Variants in GABRG3 observed in about 807,000 individuals in gnomAD.
GABRG3 encodes the protein gamma-aminobutyric acid type A receptor subunit gamma3, also known as gamma-aminobutyric acid receptor subunit gamma-3.
A neutral mutation model predicts 48.8 loss-of-function variants in GABRG3; 25 were observed. That is an observed-to-expected ratio of 0.51 (90% CI 0.37 to 0.72). The LOEUF (loss-of-function observed/expected upper bound fraction) is 0.72, where lower values mean the gene tolerates loss of function less well. GABRG3 is among the 30% of genes least tolerant of loss of function. The pLI is 0.00. For missense variants in GABRG3, 394 were observed against 577.9 expected (o/e 0.68, Z 3.26); for synonymous variants, 227 against 217.6 (o/e 1.04, Z -0.38).
intron 3 of GABRG3, among the ~76,000 whole-genome samples, chr15:27,209,771 A>C (rs1397386680): frequency 1.3e-5 from 2 of 152,248 alleles, no homozygotes; most frequent in African/African-American, 2.4e-5. Flanking sequence ...CTCAAACAGC[A>C]CACATCTCCT....
intron 3 of GABRG3, among the ~76,000 whole-genome samples, chr15:27,304,334 A>G (rs750151552): frequency 4.6e-5 from 7 of 152,058 alleles, no homozygotes; most frequent in Admixed American, 2.0e-4. Context: ...AAGTCTCCCA[A>G]AACTAATAAA....
chr15:27,332,061 T>G (rs914458722), intron 5 of GABRG3, among the ~76,000 whole-genome samples: 3 of 152,262 alleles, frequency 2.0e-5, no homozygotes, highest in Non-Finnish European at 4.4e-5. Flanking sequence ...GGATTCACTA[T>G]TCATAAATGA....
At chr15:27,359,744 G>A (rs79693478) in intron 5 of GABRG3, among the ~76,000 whole-genome samples, 1,703 of 152,240 alleles carry the variant, frequency 0.011, 34 homozygotes, top group African/African-American at 0.039. Flanking sequence ...GTTTTTGAAC[G>A]TTACATAGAT....
chr15:27,150,081 ACTC>A (rs1898282558), intron 3 of GABRG3, among the ~76,000 whole-genome samples: 1 of 151,722 alleles, frequency 6.6e-6, no homozygotes, highest in Non-Finnish European at 1.5e-5. Context: ...ACTACCCCTT[ACTC>A]CTCCTTCCTG....
intron 5 of GABRG3, among the ~76,000 whole-genome samples, chr15:27,391,534 C>G (rs972023612): frequency 6.6e-6 from 1 of 152,128 alleles, no homozygotes; most frequent in Non-Finnish European, 1.5e-5. Flanking sequence ...AACACCTTCC[C>G]TGTATTCGTG....
intron 3 of GABRG3, among the ~76,000 whole-genome samples, chr15:27,284,594 G>A (rs567123929): frequency 1.1e-4 from 17 of 152,256 alleles, no homozygotes; most frequent in African/African-American, 4.1e-4. Flanking sequence ...CTGGAAACTA[G>A]CAAGAGTTCA....
In GABRG3 at chr15:27,093,341, A is replaced by C. The variant is rs188607399; in HGVS notation, c.270+66520A>C. Among the ~76,000 whole-genome samples the C allele has an allele frequency of 3.0e-3, 452 of 152,252 alleles. 1 individual carries two copies. The highest frequency in any genetic ancestry group is 0.01 in the Middle Eastern group (3 of 294). On this transcript the variant is annotated intron_variant, in intron 3 of 9. Transcript: ENST00000615808. ...TCCTCATTGGTTTTCCCATCTGTGC[A>C]ATGGGATGATGATGATAATAGTCAG...
rs565598499 is a variant in GABRG3, at chr15:27,484,091, C to T, written c.712+3304C>T. 2.1e-4 allele frequency among the ~76,000 whole-genome samples: 32 copies of T among 152,206 alleles called. No individual in the cohort carries two copies. In the East Asian group the frequency reaches 3.5e-3, roughly 17 times the overall value. ...CTGGGATTACAGGCTCCTGCCACCA[C>T]GCCTGGCTAATTTTTTGTATTTTTA... On this transcript the variant is annotated intron_variant, in intron 6 of 9. Coordinates refer to ENST00000615808, the MANE Select transcript of GABRG3 (RefSeq NM_033223.5).
chr15:27,173,550 C>G (rs1006885853), intron 3 of GABRG3, among the ~76,000 whole-genome samples: 1 of 152,044 alleles, frequency 6.6e-6, no homozygotes, highest in African/African-American at 2.4e-5. Context: ...TTTTCCCTTA[C>G]CGTAACACTT....
intron 2 of GABRG3, among the ~76,000 whole-genome samples, chr15:27,023,131 C>T (rs563165497): frequency 3.9e-5 from 6 of 152,140 alleles, no homozygotes; most frequent in South Asian, 2.1e-4. Flanking sequence ...CATTTTAAAC[C>T]GAATGTATGG....
chr15:27,024,655 G>C (rs1185283001), intron 2 of GABRG3, among the ~76,000 whole-genome samples: 2 of 152,200 alleles, frequency 1.3e-5, no homozygotes, highest in Admixed American at 1.3e-4. Context: ...TCAGCTGCCT[G>C]TGGCCAATCT....
rs550999704 is a variant in GABRG3, at chr15:27,168,924, G to A, written c.270+142103G>A. On this transcript the variant is annotated intron_variant, in intron 3 of 9. Coordinates refer to ENST00000615808, the MANE Select transcript of GABRG3 (RefSeq NM_033223.5). ...GTTCTTGCAGAGGAATTAAGCCCAG[G>A]CCTGAGGAGAGAGCCGTGCAGCCAT... Among the ~76,000 whole-genome samples, 80 of 152,324 alleles carry A rather than the reference G, an allele frequency of 5.3e-4. 2 individuals are homozygous for A. In the Middle Eastern group the frequency reaches 0.017, roughly 32 times the overall value.
chr15:27,175,416 G>A (rs1003601977), intron 3 of GABRG3, among the ~76,000 whole-genome samples: 3 of 152,214 alleles, frequency 2.0e-5, no homozygotes, highest in African/African-American at 7.2e-5. Context: ...GCGGGAGCAG[G>A]GGGTTTCCTG....
In GABRG3 at chr15:27,203,405, A is replaced by G. The variant is rs140517699; in HGVS notation, c.271-123404A>G. ...TCTTTTTTATAGCTGCAGGTATTCT[A>G]TGATATGTATGTACCACTTTTTCTT... On this transcript the variant is annotated intron_variant, in intron 3 of 9. Transcript: ENST00000615808. Among the ~76,000 whole-genome samples the G allele has an allele frequency of 1.6e-4, 25 of 152,300 alleles. No homozygotes were observed. The East Asian group carries it at 4.2e-3, about 26-fold the overall frequency.
intron 6 of GABRG3, among the ~76,000 whole-genome samples, chr15:27,497,348 T>C (rs556342384): frequency 2.0e-5 from 3 of 152,330 alleles, no homozygotes; most frequent in Admixed American, 6.5e-5. Context: ...GGTGCTGTAT[T>C]CCAGAATTTG....
In GABRG3 at chr15:27,348,254, T is replaced by G. The variant is rs146340882; in HGVS notation, c.574+19366T>G. Among the ~76,000 whole-genome samples the G allele has an allele frequency of 5.6e-3, 854 of 152,246 alleles. 10 individuals are homozygous for G. Among genetic ancestry groups the G allele is most frequent in the African/African-American group, 0.02 (812 of 41,522 alleles). ...TTGGTGTCATATACACTACTCATTA[T>G]TGGAAGCAGTAAGAATCTCATGCTG... On this transcript the variant is annotated intron_variant, in intron 5 of 9. Transcript: ENST00000615808.
In GABRG3 at chr15:26,976,231, A is replaced by G. The variant is rs1344951277; in HGVS notation, c.54-771A>G. ...GAGGCTGTCCAGCTCCTCCCTGCAC[A>G]AAACAAGCTCAGAGATGCCCAGGCA... is the stretch of plus-strand genomic sequence containing the variant. On this transcript the variant is annotated intron_variant, in intron 1 of 9. Coordinates refer to ENST00000615808, the MANE Select transcript of GABRG3 (RefSeq NM_033223.5). The surrounding 1 kb of genome is among the most constrained non-coding windows in gnomAD (Gnocchi z 7.8). Among the ~76,000 whole-genome samples, 3 of 152,180 alleles carry G rather than the reference A, an allele frequency of 2.0e-5. No individual in the cohort carries two copies. The highest frequency in any genetic ancestry group is 4.8e-5 in the African/African-American group (2 of 41,450).
At chr15:27,384,302 C>T (rs1285263465) in intron 5 of GABRG3, among the ~76,000 whole-genome samples, 1 of 152,098 alleles carries the variant, frequency 6.6e-6, no homozygotes, top group Non-Finnish European at 1.5e-5. Flanking sequence ...ATCATTGTGA[C>T]TGGAAAAAAT....
At chr15:27,073,275 G>T (rs1896857298) in intron 3 of GABRG3, among the ~76,000 whole-genome samples, 1 of 152,252 alleles carries the variant, frequency 6.6e-6, no homozygotes, top group Non-Finnish European at 1.5e-5. Flanking sequence ...GCCTGGAAGA[G>T]GAGGGGACCC....
Sources: allele counts gnomAD v4.1 joint callset (sites outside exome capture counted in the v4.1 genomes callset), GRCh38; gene constraint gnomAD v4.1.1; non-coding constraint Gnocchi (gnomAD v3.1); transcripts MANE v1.5; gene names NCBI Gene and HGNC (gene_info 2026-07-23, HGNC 2026-07-21).